WDFY4: variants seen among roughly 807,000 people sequenced by gnomAD.
WDFY4 encodes WD repeat- and FYVE domain-containing protein 4.
Under a neutral mutation model 351.9 loss-of-function variants are expected in WDFY4, and 169 were observed. The observed-to-expected ratio is 0.48, with a 90% CI of 0.42 to 0.55. The LOEUF (loss-of-function observed/expected upper bound fraction) is 0.55, where lower values mean the gene tolerates loss of function less well. WDFY4 is among the 20% of genes least tolerant of loss of function. The pLI is 0.00. For missense variants in WDFY4, 3,803 were observed against 3,935.6 expected (o/e 0.97, Z 0.90); for synonymous variants, 1,622 against 1,574.6 (o/e 1.03, Z -0.71).
intron 1 of WDFY4, among the ~76,000 whole-genome samples, chr10:48,697,449 C>G (rs1219142126): frequency 6.6e-6 from 1 of 152,214 alleles, no homozygotes; most frequent in Non-Finnish European, 1.5e-5. Flanking sequence ...AAGTAAGTCA[C>G]AATGTTGGGG....
intron 1 of WDFY4, among the ~76,000 whole-genome samples, chr10:48,691,847 G>A (rs1190155007): frequency 6.6e-6 from 1 of 152,230 alleles, no homozygotes; most frequent in Non-Finnish European, 1.5e-5. Context: ...AAAACACGCT[G>A]TCAGGAACCC....
At position 48,974,864 on chromosome 10, in the gene WDFY4, C is replaced by T; in HGVS notation, c.8931C>T (p.Ala2977=). The T allele has an allele frequency of 6.5e-7, 1 of 1,540,926 alleles. No homozygotes were observed. The highest frequency in any genetic ancestry group is 1.2e-5 in the South Asian group (1 of 83,002). The change falls in exon 58 of 62, where the codon GCC becomes GCT. Residue 2977 remains alanine (A), a splice_region_variant and synonymous_variant. Transcript: ENST00000325239. ...AACCTGTGAGTCTCTGTCCCCAGGC[C>T]TTGTATGGACACACACAGGCTGTCA... is the stretch of plus-strand genomic sequence containing the variant. The part of the protein sequence containing the change: ...GRPRGLRLRQ[A]LYGHTQAVTC...
chr10:48,820,101 T>G, intron 32 of WDFY4, 133 bp from the exon 33 acceptor site: 3 of 989,724 alleles, frequency 3.0e-6, no homozygotes. Flanking sequence ...CAAGTTGCTT[T>G]CCTGTGCGGA....
At chr10:48,704,425 A>ACAG (rs1458375197) in intron 1 of WDFY4, among the ~76,000 whole-genome samples, 2 of 152,130 alleles carry the variant, frequency 1.3e-5, no homozygotes, top group Admixed American at 6.5e-5. Context: ...AAGCTGGGAC[A>ACAG]CAGCACGGCC....
intron 61 of WDFY4, among the ~76,000 whole-genome samples, chr10:48,982,022 C>A (rs529814671): frequency 6.6e-6 from 1 of 152,164 alleles, no homozygotes; most frequent in Non-Finnish European, 1.5e-5. Flanking sequence ...CTTGCAGAGC[C>A]GGACTTCCTT....
rs189830681 is a variant in WDFY4 at position 48,929,381 on chromosome 10, G to C, written c.7587-12425G>C. 9.5e-4 allele frequency among the ~76,000 whole-genome samples: 144 copies of C among 152,310 alleles called. 1 individual carries two copies. Among genetic ancestry groups the C allele is most frequent in the African/African-American group, 3.3e-3 (139 of 41,558 alleles). ...TGGTCTCAATAGCCTCTAGGCTCCAGCAGGAAGCTATTGTGTCCTGGACTC... is the reference window on the plus strand; with the variant it reads ...TGGTCTCAATAGCCTCTAGGCTCCACCAGGAAGCTATTGTGTCCTGGACTC... On this transcript the variant is annotated intron_variant, in intron 47 of 61. Coordinates refer to ENST00000325239, the MANE Select transcript of WDFY4 (RefSeq NM_001394531.1).
rs2067217105 is a variant in WDFY4 at position 48,805,329 on chromosome 10, T to A, written c.4554T>A (p.Asn1518Lys). The A allele has an allele frequency of 7.1e-6, 11 of 1,548,836 alleles. No homozygotes were observed. Among genetic ancestry groups the A allele is most frequent in the Non-Finnish European group, 7.8e-6 (9 of 1,146,988 alleles). Reference protein sequence around the residue: ...QLIPKLIFLFNEPSLIPSKIS... With the variant: ...QLIPKLIFLFKEPSLIPSKIS... ...TACCCAAGCTCATCTTCCTATTCAA[T>A]GAGCCGAGCCTCATCCCCTCCAAGA... Residue 1518 changes from asparagine to lysine, a missense_variant, in exon 26 of 62, where the codon AAT (asparagine) becomes AAA (lysine). By Grantham distance (94) the Asn-to-Lys change is moderately conservative. Around this residue, in one of 3 missense-constraint regions of WDFY4, gnomAD observed 3,054 missense variants for 3,148.6 expected, o/e 0.97. Coordinates refer to ENST00000325239, the MANE Select transcript of WDFY4 (RefSeq NM_001394531.1).
intron 61 of WDFY4, among the ~76,000 whole-genome samples, chr10:48,981,791 G>A (rs1353447483): frequency 6.6e-6 from 1 of 152,216 alleles, no homozygotes; most frequent in East Asian, 1.9e-4. Flanking sequence ...CCTAAAGAGA[G>A]CCTTTTCCCC....
chr10:48,890,567 C>T lies in WDFY4; in HGVS notation c.7168-12C>T. Reference sequence around the variant, plus strand: ...CTGTGCACCACCTGACTCTGCCACTCTCTCCTTCCAGGTGACGCAGAAGTT... The same window carrying T: ...CTGTGCACCACCTGACTCTGCCACTTTCTCCTTCCAGGTGACGCAGAAGTT... On this transcript the variant is annotated splice_polypyrimidine_tract_variant and intron_variant, in intron 43 of 61. Transcript: ENST00000325239. 6.4e-7 allele frequency: 1 copy of T among 1,551,676 alleles called. No homozygotes were observed. Among genetic ancestry groups the T allele is most frequent in the Non-Finnish European group, 8.7e-7 (1 of 1,146,950 alleles).
In WDFY4 at chr10:48,946,164, A is replaced by T; in HGVS notation, c.7867+7A>T. On this transcript the variant is annotated splice_region_variant and intron_variant, in intron 50 of 61. Transcript: ENST00000325239. Reference sequence around the variant, plus strand: ...GAAGTTGAGAAAACTGAAGGTGAGTAGATCCAGCTTGATTTTTGGTGCAGT... The same window carrying T: ...GAAGTTGAGAAAACTGAAGGTGAGTTGATCCAGCTTGATTTTTGGTGCAGT... 1 of 1,539,112 alleles carries T rather than the reference A, an allele frequency of 6.5e-7. No homozygotes were observed. Among genetic ancestry groups the T allele is most frequent in the Non-Finnish European group, 8.8e-7 (1 of 1,138,698 alleles).
Position 48,780,242 on chromosome 10 carries a change from G to C in WDFY4, c.3576+123G>C, listed in dbSNP as rs1026158503. On this transcript the variant is annotated intron_variant, in intron 19 of 61. Transcript: ENST00000325239. The stretch of plus-strand genomic sequence containing the variant: ...TGTTTGTTTGTTTATTACTGGTAGG[G>C]TTGGCATCTAATGAAATCTGCCTTA... 20 of 1,256,730 alleles carry C rather than the reference G, an allele frequency of 1.6e-5. No homozygotes were observed. In the Admixed American group the frequency reaches 3.7e-4, roughly 23 times the overall value. The allele number at this position is 1,256,730 out of a possible 1,614,324, so 77.8% of individuals were successfully genotyped here.
intron 1 of WDFY4, among the ~76,000 whole-genome samples, chr10:48,697,017 T>C (rs2063348778): frequency 6.6e-6 from 1 of 152,154 alleles, no homozygotes; most frequent in Non-Finnish European, 1.5e-5. Flanking sequence ...GGCCTGGCCT[T>C]GGAGCTCAGG....
intron 43 of WDFY4, among the ~76,000 whole-genome samples, chr10:48,886,364 C>T (rs1416068221): frequency 6.6e-6 from 1 of 152,138 alleles, no homozygotes; most frequent in Non-Finnish European, 1.5e-5. Flanking sequence ...GAATGTCCCC[C>T]AAAATTCTTG....
At chr10:48,714,186 G>A (rs1255554747) in intron 2 of WDFY4, among the ~76,000 whole-genome samples, 2 of 152,260 alleles carry the variant, frequency 1.3e-5, no homozygotes, top group Non-Finnish European at 2.9e-5. Flanking sequence ...AGGGCAGTCT[G>A]CTGTAGGTCT....
chr10:48,823,231 A>C, intron 35 of WDFY4: 1 of 1,303,790 alleles, frequency 7.7e-7, no homozygotes, highest in Non-Finnish European at 1.0e-6. Flanking sequence ...GCCTCCAGGA[A>C]ACCTTTGCTC....
rs530282639 is a variant in WDFY4, at chr10:48,952,308, C to T, written c.7978-4821C>T. Among the ~76,000 whole-genome samples, 87 of 152,330 alleles carry T rather than the reference C, an allele frequency of 5.7e-4. No homozygotes were observed. In the Middle Eastern group the frequency reaches 0.014, roughly 24 times the overall value. ...CTAAGGCTCACATAGGGCCAGCCTA[C>T]CCAATGCAGCCAGGGCTGTGGGGCT... On this transcript the variant is annotated intron_variant, in intron 51 of 61. Coordinates refer to ENST00000325239, the MANE Select transcript of WDFY4 (RefSeq NM_001394531.1).
chr10:48,889,883 G>C (rs1384656749), intron 43 of WDFY4, among the ~76,000 whole-genome samples: 2 of 152,234 alleles, frequency 1.3e-5, no homozygotes, highest in Non-Finnish European at 2.9e-5. Flanking sequence ...TTGAGCCAGA[G>C]GGGCTAAGCC....
intron 47 of WDFY4, among the ~76,000 whole-genome samples, chr10:48,922,018 G>A (rs1839127407): frequency 6.6e-6 from 1 of 152,244 alleles, no homozygotes; most frequent in African/African-American, 2.4e-5. Flanking sequence ...CTGTTCACAG[G>A]TATTTATAGC....
At chr10:48,720,470 C>T (rs2064046338) in intron 3 of WDFY4, among the ~76,000 whole-genome samples, 2 of 150,126 alleles carry the variant, frequency 1.3e-5, no homozygotes. Flanking sequence ...CATAGACACA[C>T]AGAGATACAG....
Sources: allele counts gnomAD v4.1 joint callset (sites outside exome capture counted in the v4.1 genomes callset), GRCh38; gene constraint gnomAD v4.1.1; regional missense constraint gnomAD v4.1.1; transcripts MANE v1.5; gene names NCBI Gene and HGNC (gene_info 2026-07-23, HGNC 2026-07-21).